ANXA13: variants seen among roughly 807,000 people sequenced by gnomAD.
ANXA13 encodes annexin XIII.
In ANXA13, 36 loss-of-function variants were observed where a neutral mutation model predicts 46.6. That is an observed-to-expected ratio of 0.77 (90% CI 0.59 to 1.02). The LOEUF (loss-of-function observed/expected upper bound fraction) is 1.02. Among genes scored for constraint, ANXA13 ranks in the 50% least tolerant of loss-of-function variants. ANXA13 has a pLI of 0.00. For synonymous variants in ANXA13, 163 were observed against 152.9 expected (o/e 1.07, Z -0.49); for missense variants, 417 against 396.5 (o/e 1.05, Z -0.44).
intron 1 of ANXA13, among the ~76,000 whole-genome samples, chr8:123,730,531 C>T (rs903117957): frequency 4.6e-5 from 7 of 152,076 alleles, no homozygotes; most frequent in African/African-American, 1.7e-4. Flanking sequence ...CAGTATCACC[C>T]CCACCCCCTC....
chr8:123,714,920 C>A (rs1265774437), intron 1 of ANXA13, among the ~76,000 whole-genome samples: 1 of 152,206 alleles, frequency 6.6e-6, no homozygotes, highest in African/African-American at 2.4e-5. Context: ...TGAGGTCTGG[C>A]AGGATGCAGG....
chr8:123,712,863 C>A, intron 1 of ANXA13, 110 bp from the exon 2 acceptor site: 1 of 903,864 alleles, frequency 1.1e-6, no homozygotes, highest in South Asian at 1.4e-5. Context: ...AACCAGGGAC[C>A]AGCTGTCACT....
At chr8:123,683,150 G>C (rs572365921) in intron 10 of ANXA13, among the ~76,000 whole-genome samples, 53 of 152,192 alleles carry the variant, frequency 3.5e-4, no homozygotes, top group Middle Eastern at 3.4e-3. Context: ...ATGGAGGAGA[G>C]AGGCAGAGGC....
At chr8:123,731,944 A>C (rs1814126692) in intron 1 of ANXA13, among the ~76,000 whole-genome samples, 1 of 152,210 alleles carries the variant, frequency 6.6e-6, no homozygotes, top group African/African-American at 2.4e-5. Flanking sequence ...ATAGTTATGC[A>C]GAGAGAACTA....
intron 8 of ANXA13, among the ~76,000 whole-genome samples, chr8:123,691,449 A>C (rs1813238912): frequency 6.6e-6 from 1 of 152,170 alleles, no homozygotes; most frequent in African/African-American, 2.4e-5. Context: ...TTTAGCCCTG[A>C]TTTTTGGCAC....
chr8:123,706,056 G>C (rs1159465925), intron 2 of ANXA13, among the ~76,000 whole-genome samples: 1 of 152,168 alleles, frequency 6.6e-6, no homozygotes, highest in Non-Finnish European at 1.5e-5. Context: ...ACATTTAGCT[G>C]TTTGGTTTCA....
intron 9 of ANXA13, among the ~76,000 whole-genome samples, chr8:123,686,568 A>G (rs1197123383): frequency 6.6e-6 from 1 of 152,146 alleles, no homozygotes; most frequent in African/African-American, 2.4e-5. Context: ...TTGCCTTCAG[A>G]GTGAGTTCCT....
intron 10 of ANXA13, among the ~76,000 whole-genome samples, chr8:123,683,876 T>C (rs1375149956): frequency 6.6e-6 from 1 of 152,180 alleles, no homozygotes; most frequent in Non-Finnish European, 1.5e-5. Context: ...CATGAGCCAT[T>C]GCACCCGACC....
rs1586309503 is a variant in ANXA13 at position 123,683,883 on chromosome 8, G to A, written c.831+727C>T. On this transcript the variant is annotated intron_variant, in intron 10 of 10. Coordinates refer to ENST00000419625, the MANE Select transcript of ANXA13 (RefSeq NM_004306.4). Reference sequence around the variant, plus strand: ...ATTACAGGCATGAGCCATTGCACCCGACCAGCTGTGATCTTGACGGCTGCT... The same window carrying A: ...ATTACAGGCATGAGCCATTGCACCCAACCAGCTGTGATCTTGACGGCTGCT... Among the ~76,000 whole-genome samples, 7 of 152,218 alleles carry A rather than the reference G, an allele frequency of 4.6e-5. No individual in the cohort carries two copies. The South Asian group carries it at 1.2e-3, about 27-fold the overall frequency.
intron 1 of ANXA13, among the ~76,000 whole-genome samples, chr8:123,727,119 T>C (rs544341259): frequency 6.6e-6 from 1 of 152,294 alleles, no homozygotes; most frequent in Admixed American, 6.5e-5. Context: ...GCTCGGGTGA[T>C]GGGTGCACCA....
intron 1 of ANXA13, among the ~76,000 whole-genome samples, chr8:123,729,710 C>T (rs1416242742): frequency 1.3e-5 from 2 of 152,190 alleles, no homozygotes; most frequent in East Asian, 1.9e-4. Flanking sequence ...TAATGATGTA[C>T]TGAACTGCTG....
chr8:123,705,827 G>A (rs1813527887), intron 2 of ANXA13, among the ~76,000 whole-genome samples: 1 of 152,102 alleles, frequency 6.6e-6, no homozygotes, highest in African/African-American at 2.4e-5. Context: ...TGGAGATGGG[G>A]TAGAGAAAAA....
chr8:123,714,305 T>G (rs1277952089), intron 1 of ANXA13, among the ~76,000 whole-genome samples: 1 of 152,176 alleles, frequency 6.6e-6, no homozygotes, highest in South Asian at 2.1e-4. Flanking sequence ...GGAGTGAAGA[T>G]GTAATCCAAG....
At chr8:123,735,859 A>C in intron 1 of ANXA13, 1 of 1,610,680 alleles carries the variant, frequency 6.2e-7, no homozygotes, top group South Asian at 1.1e-5. Context: ...CTGCCTTCTG[A>C]GAGGGTGTAC....
chr8:123,721,178 G>C (rs1323035768), intron 1 of ANXA13, among the ~76,000 whole-genome samples: 1 of 152,104 alleles, frequency 6.6e-6, no homozygotes, highest in African/African-American at 2.4e-5. Context: ...GTTTGTTCAA[G>C]TTGTCACAAA....
rs1813211000 is a variant in ANXA13, at chr8:123,690,312, A to G, written c.643-1366T>C. ...GCAGGGATTTTAAATTTTCTGTAGA[A>G]TCTCAGCCTACAAAACAGATGAAAG... On this transcript the variant is annotated intron_variant, in intron 8 of 10. Transcript: ENST00000419625. The surrounding 1 kb of genome is among the most constrained non-coding windows in gnomAD (Gnocchi z 4.6). 6.6e-6 allele frequency among the ~76,000 whole-genome samples: 1 copy of G among 152,236 alleles called. No individual in the cohort carries two copies. Among genetic ancestry groups the G allele is most frequent in the Non-Finnish European group, 1.5e-5 (1 of 68,042 alleles).
chr8:123,722,332 GAAAGA>G (rs928236148), intron 1 of ANXA13, among the ~76,000 whole-genome samples: 21 of 129,518 alleles, frequency 1.6e-4, no homozygotes, highest in African/African-American at 5.4e-4. Context: ...GAAAGAAAAA[GAAAGA>G]AAAGAAAAGA....
Position 123,688,960 on chromosome 8 carries a change from C to G in ANXA13, c.643-14G>C. On this transcript the variant is annotated splice_polypyrimidine_tract_variant and intron_variant, in intron 8 of 10. Coordinates refer to ENST00000419625, the MANE Select transcript of ANXA13 (RefSeq NM_004306.4). ...TTTGCCAATGAGCTGCAGCGAAAAC[C>G]AAAATCAACTGTTATTCCAGGTTTG... 6.2e-7 allele frequency: 1 copy of G among 1,612,984 alleles called. No individual in the cohort carries two copies. Among genetic ancestry groups the G allele is most frequent in the Non-Finnish European group, 8.5e-7 (1 of 1,179,262 alleles).
At position 123,727,009 on chromosome 8, in the gene ANXA13, C is replaced by T. The variant is rs191220529; in HGVS notation, c.15+10311G>A. On this transcript the variant is annotated intron_variant, in intron 1 of 10. Coordinates refer to ENST00000419625, the MANE Select transcript of ANXA13 (RefSeq NM_004306.4). ...ATAAGTGGGAGCTAAGCTATGAGGA[C>T]GGAAAGGCATAAGAATGATACAATG... Among the ~76,000 whole-genome samples the T allele has an allele frequency of 7.4e-4, 113 of 152,032 alleles. 1 individual carries two copies. The highest frequency in any genetic ancestry group is 6.8e-3 in the Middle Eastern group (2 of 294).
Sources: allele counts gnomAD v4.1 joint callset (sites outside exome capture counted in the v4.1 genomes callset), GRCh38; gene constraint gnomAD v4.1.1; non-coding constraint Gnocchi (gnomAD v3.1); transcripts MANE v1.5; gene names NCBI Gene and HGNC (gene_info 2026-07-23, HGNC 2026-07-21).